The following SPON1 variants were observed in gnomAD, a reference collection of about 807,000 sequenced individuals.
SPON1 encodes spondin 1.
A neutral mutation model predicts 111.7 loss-of-function variants in SPON1; 52 were observed. The ratio of observed to expected loss-of-function variants is 0.47; its 90% confidence interval spans 0.37 to 0.59. The LOEUF (loss-of-function observed/expected upper bound fraction) is 0.59, where lower values mean the gene tolerates loss of function less well. SPON1 is among the 20% of genes least tolerant of loss of function. The probability of loss-of-function intolerance (pLI) is 0.00; values close to 1 mark genes in which losing one functional copy is unlikely to be tolerated. For synonymous variants in SPON1, 410 were observed against 395.8 expected, an observed-to-expected ratio of 1.04 and a Z score of -0.43; for missense variants, 957 against 1,068.5, an observed-to-expected ratio of 0.90 and a Z score of 1.46.
chr11:14,032,639 C>T lies in SPON1; in HGVS notation c.346-8882C>T, dbSNP rs77340302. ...GATGAGAAAACAGACCCAGAGAGGT[C>T]AAGTAGCTTGGTGTGGTCAAAGTCA... On this transcript the variant is annotated intron_variant, in intron 2 of 15. Transcript: ENST00000576479. Among the ~76,000 whole-genome samples, 788 of 152,296 alleles carry T rather than the reference C, an allele frequency of 5.2e-3. 7 individuals carry two copies. The highest frequency in any genetic ancestry group is 0.018 in the African/African-American group (755 of 41,548).
chr11:14,254,692 C>T lies in SPON1; in HGVS notation c.1055C>T (p.Pro352Leu). Residue 352 changes from proline (P) to leucine (L), a missense_variant, in exon 8 of 16, where the codon CCC becomes CTC. Physicochemically the swap from Pro to Leu is moderately conservative, Grantham distance 98. This residue lies in a region of SPON1 where 19 missense variants were observed against 47.5 expected (regional missense o/e 0.40). Transcript: ENST00000576479. Reference protein sequence around the residue: ...WVQKVVQDLIPWDAGTDSGVT... With the variant: ...WVQKVVQDLILWDAGTDSGVT... ...CAGAAGGTGGTGCAAGACCTGATTC[C>T]CTGGGACGCTGGCACCGACAGCGGG... The T allele has an allele frequency of 6.2e-7, 1 of 1,613,946 alleles. No individual in the cohort carries two copies. Among genetic ancestry groups the T allele is most frequent in the Non-Finnish European group, 8.5e-7 (1 of 1,179,890 alleles).
At chr11:14,165,841 A>C (rs190692503) in intron 6 of SPON1, among the ~76,000 whole-genome samples, 1,846 of 152,354 alleles carry the variant, frequency 0.012, 34 homozygotes, top group African/African-American at 0.042. Flanking sequence ...CAAAAAGTGC[A>C]GCAAGAATAA....
In SPON1 at chr11:14,259,216, C is replaced by T. The variant is rs1036059498; in HGVS notation, c.1493-64C>T. 17 of 1,488,200 alleles carry T rather than the reference C, an allele frequency of 1.1e-5. No homozygotes were observed. Among genetic ancestry groups the T allele is most frequent in the East Asian group, 4.9e-5 (2 of 40,742 alleles). 92.2% of individuals were successfully genotyped at this position (1,488,200 alleles called of 1,614,324 possible). On this transcript the variant is annotated intron_variant, in intron 11 of 15. Transcript: ENST00000576479. The surrounding 1 kb of genome is among the most constrained non-coding windows in gnomAD (Gnocchi z 5.0). ...ATTCCCGCTGGCGGGAAGTTCCCACCGCGCAGCCTGGCAGGCGCCCCTGCC... is the reference window on the plus strand; with the variant it reads ...ATTCCCGCTGGCGGGAAGTTCCCACTGCGCAGCCTGGCAGGCGCCCCTGCC...
intron 2 of SPON1, among the ~76,000 whole-genome samples, chr11:14,035,635 T>TA (rs1223148493): frequency 7.2e-5 from 9 of 124,308 alleles, no homozygotes; most frequent in Non-Finnish European, 1.3e-4. Flanking sequence ...TTTTTTTTTT[T>TA]AAGACAGGGT....
intron 6 of SPON1, among the ~76,000 whole-genome samples, chr11:14,192,974 T>C (rs919554918): frequency 6.6e-5 from 10 of 152,138 alleles, no homozygotes; most frequent in Admixed American, 6.5e-4. Context: ...CAACTTGCTG[T>C]GTGCATTTGA....
At chr11:14,150,906 C>T (rs1847780041) in intron 6 of SPON1, among the ~76,000 whole-genome samples, 1 of 152,148 alleles carries the variant, frequency 6.6e-6, no homozygotes, top group African/African-American at 2.4e-5. Flanking sequence ...AAAATTACCT[C>T]CTTTCTTGTC....
intron 2 of SPON1, among the ~76,000 whole-genome samples, chr11:14,000,472 G>A (rs1848308554): frequency 6.6e-6 from 1 of 152,132 alleles, no homozygotes; most frequent in East Asian, 1.9e-4. Flanking sequence ...GTATTGCTTT[G>A]TTCAGCACTG....
chr11:14,039,402 T>C (rs1298828741), intron 2 of SPON1, among the ~76,000 whole-genome samples: 2 of 151,738 alleles, frequency 1.3e-5, no homozygotes, highest in Non-Finnish European at 2.9e-5. Context: ...ATATAGGATG[T>C]TGATAGTGAG....
Position 13,963,035 on chromosome 11 carries a change from G to A in SPON1, c.131G>A (p.Cys44Tyr). The A allele has an allele frequency of 1.3e-6, 2 of 1,587,642 alleles. No individual in the cohort carries two copies. The highest frequency in any genetic ancestry group is 1.7e-6 in the Non-Finnish European group (2 of 1,168,400). The change falls in exon 1 of 16, where the codon TGC becomes TAC. Residue 44 changes from cysteine (C) to tyrosine (Y), a missense_variant. Physicochemically the swap from Cys to Tyr is radical, Grantham distance 194. Transcript: ENST00000576479. ...AAAGTGCCCAAGTCAGAGGGCTACT[G>A]CAGCCGTATCCTGCGCGCCCAGGGC... Reference protein sequence around the residue: ...LDKVPKSEGYCSRILRAQGTR... With the variant: ...LDKVPKSEGYYSRILRAQGTR...
chr11:14,257,791 G>C lies in SPON1; in HGVS notation c.1385G>C (p.Gly462Ala), dbSNP rs1554941395. 19 of 1,612,390 alleles carry C rather than the reference G, an allele frequency of 1.2e-5. No homozygotes were observed. The highest frequency in any genetic ancestry group is 1.5e-5 in the Non-Finnish European group (18 of 1,179,388). Reference protein sequence around the residue: ...SACSSSTCDKGKRMRQRMLKA... With the variant: ...SACSSSTCDKAKRMRQRMLKA... ...TGCAGCTCCTCCACCTGTGACAAAG[G>C]CAAGAGGATGCGACAGCGCATGCTG... Residue 462 changes from glycine (G) to alanine (A), a missense_variant, in exon 11 of 16, where the codon GGC (glycine) becomes GCC (alanine). Around this residue, in one of 5 missense-constraint regions of SPON1, gnomAD observed 549 missense variants for 606.2 expected, o/e 0.91. Transcript: ENST00000576479.
chr11:14,184,030 T>C (rs1554933888), intron 6 of SPON1, among the ~76,000 whole-genome samples: 1 of 152,192 alleles, frequency 6.6e-6, no homozygotes, highest in Non-Finnish European at 1.5e-5. Context: ...GGCTGATATA[T>C]GGATCAGATG....
intron 6 of SPON1, among the ~76,000 whole-genome samples, chr11:14,223,565 C>T (rs1384708756): frequency 1.3e-5 from 2 of 152,170 alleles, no homozygotes; most frequent in Non-Finnish European, 2.9e-5. Context: ...GAATGTCATT[C>T]GGTTCTGTCG....
At chr11:14,022,632 A>G (rs1159147020) in intron 2 of SPON1, among the ~76,000 whole-genome samples, 5 of 152,198 alleles carry the variant, frequency 3.3e-5, no homozygotes, top group Non-Finnish European at 7.3e-5. Flanking sequence ...TGGATTGTTC[A>G]GCTGATTCAA....
At chr11:14,056,208 G>A (rs570170945) in intron 3 of SPON1, among the ~76,000 whole-genome samples, 19 of 152,308 alleles carry the variant, frequency 1.2e-4, no homozygotes, top group Middle Eastern at 6.8e-3. Context: ...GAGTTGCTGA[G>A]AAGACTAAAT....
intron 15 of SPON1, among the ~76,000 whole-genome samples, chr11:14,264,727 A>G (rs1554942295): frequency 6.6e-6 from 1 of 152,220 alleles, no homozygotes; most frequent in East Asian, 1.9e-4. Flanking sequence ...ATGTGTAACC[A>G]TAAATGTGGT....
chr11:14,259,390 G>C lies in SPON1; in HGVS notation c.1603G>C (p.Gly535Arg), dbSNP rs781887290. The C allele has an allele frequency of 2.5e-6, 4 of 1,611,694 alleles. No homozygotes were observed. Among genetic ancestry groups the C allele is most frequent in the Non-Finnish European group, 8.5e-7 (1 of 1,179,142 alleles). The change falls in exon 12 of 16, where the codon GGC becomes CGC. Residue 535 changes from glycine (G) to arginine (R), a missense_variant. By Grantham distance (125) the Gly-to-Arg change is moderately radical. Around this residue, in one of 5 missense-constraint regions of SPON1, gnomAD observed 549 missense variants for 606.2 expected, o/e 0.91. Coordinates refer to ENST00000576479, the MANE Select transcript of SPON1 (RefSeq NM_006108.4). This position sits in a 1 kb window ranked among gnomAD's most constrained non-coding sequence, Gnocchi z 5.0. ...ERYVKQFPED[G>R]SVCTLPTEET... ...GTATGTGAAGCAGTTCCCGGAGGAC[G>C]GCTCCGTGTGCACGCTGCCCACTGA... is the stretch of plus-strand genomic sequence containing the variant.
At chr11:14,120,969 G>A (rs1418584582) in intron 5 of SPON1, among the ~76,000 whole-genome samples, 1 of 152,194 alleles carries the variant, frequency 6.6e-6, no homozygotes, top group Non-Finnish European at 1.5e-5. Context: ...TAAGCCAGTA[G>A]GAGGTCCTTT....
intron 6 of SPON1, among the ~76,000 whole-genome samples, chr11:14,176,372 T>C (rs1253911977): frequency 6.6e-6 from 1 of 151,950 alleles, no homozygotes; most frequent in Admixed American, 6.6e-5. Context: ...GATTGAGAAG[T>C]CTCCAAAGCC....
intron 6 of SPON1, among the ~76,000 whole-genome samples, chr11:14,158,705 C>G (rs970197621): frequency 6.6e-6 from 1 of 152,160 alleles, no homozygotes; most frequent in African/African-American, 2.4e-5. Flanking sequence ...CTTTCCAATA[C>G]TTTAAACCAA....
Sources: gnomAD v4.1 joint callset for allele counts (sites outside exome capture counted in the v4.1 genomes callset) on GRCh38, gnomAD v4.1.1 for gene constraint, gnomAD v4.1.1 regional missense constraint, Gnocchi (gnomAD v3.1) non-coding constraint, MANE v1.5 for transcripts, NCBI Gene and HGNC (gene_info 2026-07-23, HGNC 2026-07-21) for gene names.